The following TTC7A variants were observed in gnomAD, a reference collection of about 807,000 sequenced individuals.
TTC7A encodes tetratricopeptide repeat protein 7A.
A neutral mutation model predicts 103.7 loss-of-function variants in TTC7A; 110 were observed. The ratio of observed to expected loss-of-function variants is 1.06; its 90% CI spans 0.91 to 1.24. TTC7A has a LOEUF of 1.24. Among genes scored for constraint, TTC7A ranks in the 50% most tolerant of loss-of-function variants. TTC7A has a pLI of 0.00. For synonymous variants in TTC7A, 521 were observed against 467.9 expected (o/e 1.11, Z -1.47); for missense variants, 1,340 against 1,116.3 (o/e 1.20, Z -2.86).
intron 19 of TTC7A, among the ~76,000 whole-genome samples, chr2:47,071,487 G>C (rs532468193): frequency 6.6e-6 from 1 of 152,194 alleles, no homozygotes; most frequent in Non-Finnish European, 1.5e-5. Flanking sequence ...GTCTGCCCCC[G>C]CGGTGATTTT....
rs995829577 is a variant in TTC7A at position 47,007,286 on chromosome 2, G to T, written c.1287+562G>T. Among the ~76,000 whole-genome samples the T allele has an allele frequency of 6.6e-6, 1 of 152,062 alleles. No homozygotes were observed. The highest frequency in any genetic ancestry group is 1.9e-4 in the East Asian group (1 of 5,172). ...CGCTGCCCGGAGCAAGGAGCACCGG[G>T]CATGAGTTCACTCTCTATCCACCCA... On this transcript the variant is annotated intron_variant, in intron 10 of 19. Transcript: ENST00000319190. The surrounding 1 kb of genome is among the most constrained non-coding windows in gnomAD (Gnocchi z 4.9).
In TTC7A at chr2:47,006,649, G is replaced by A; in HGVS notation, c.1212G>A (p.Glu404=). The change falls in exon 10 of 20, where the codon GAG becomes GAA. Residue 404 remains glutamate, a synonymous_variant. Transcript: ENST00000319190. The part of the protein sequence containing the change: ...GQYVMLSECL[E]RAMKFAFGEF... The stretch of plus-strand genomic sequence containing the variant: ...CTATCTCCCCTCCCCAGTGCCTGGA[G>A]CGAGCCATGAAGTTTGCGTTTGGAG... 6.2e-7 allele frequency: 1 copy of A among 1,614,112 alleles called. No homozygotes were observed. Among genetic ancestry groups the A allele is most frequent in the Non-Finnish European group, 8.5e-7 (1 of 1,179,952 alleles).
intron 1 of TTC7A, among the ~76,000 whole-genome samples, chr2:46,942,703 A>G (rs973838899): frequency 1.3e-5 from 2 of 152,196 alleles, no homozygotes; most frequent in African/African-American, 2.4e-5. Context: ...CAGCTAGCCA[A>G]TAAGTTGTGG....
At chr2:46,924,629 T>TC (rs1669288113) in intron 2 of TTC7A, among the ~76,000 whole-genome samples, 1 of 152,060 alleles carries the variant, frequency 6.6e-6, no homozygotes, top group Non-Finnish European at 1.5e-5. Context: ...ATATTTTCTT[T>TC]TTTTTTTTTC....
chr2:47,011,422 G>T lies in TTC7A; in HGVS notation c.1379G>T (p.Gly460Val), dbSNP rs762217184. The T allele has an allele frequency of 6.2e-7, 1 of 1,607,178 alleles. No homozygotes were observed. The highest frequency in any genetic ancestry group is 1.1e-5 in the South Asian group (1 of 90,862). Residue 460 changes from glycine to valine, a missense_variant, in exon 11 of 20, where the codon GGG (glycine) becomes GTG (valine). Physicochemically the swap from Gly to Val is moderately radical, Grantham distance 109. Coordinates refer to ENST00000319190, the MANE Select transcript of TTC7A (RefSeq NM_020458.4). Reference protein sequence around the residue: ...VPLMAAKVCIGSLRWLEEAEH... With the variant: ...VPLMAAKVCIVSLRWLEEAEH... ...CTGATGGCCGCGAAGGTCTGCATCG[G>T]GTCCCTTCGCTGGGTGAGTGAGCTG...
intron 3 of TTC7A, among the ~76,000 whole-genome samples, chr2:46,972,197 TA>T (rs758796527): frequency 3.7e-4 from 55 of 147,502 alleles, no homozygotes; most frequent in South Asian, 4.3e-4. Flanking sequence ...TTTCCTGTCT[TA>T]AAAAAAAAAA....
exon 2 of TTC7A, chr2:46,917,256 C>T: frequency 2.9e-6 from 2 of 699,226 alleles, no homozygotes; most frequent in Middle Eastern, 2.3e-4. Context: ...CCTCCGCCTC[C>T]CAAAGTGCTG....
rs6729569 is a variant in TTC7A, at chr2:46,941,960, A to C, written c.184+235A>C. On this transcript the variant is annotated intron_variant, in intron 1 of 19. Transcript: ENST00000319190. The surrounding 1 kb of genome is among the most constrained non-coding windows in gnomAD (Gnocchi z 4.2). ...GCTTTTGCTCTGTGTCCTTTAGGAT[A>C]ATGTGGCTAACTCTGTCTACCGTGA... 28,103 of 596,624 alleles carry C rather than the reference A, an allele frequency of 0.047. 837 individuals carry two copies. Among genetic ancestry groups the C allele is most frequent in the African/African-American group, 0.092 (4,940 of 53,530 alleles). 37.0% of individuals were successfully genotyped at this position (596,624 alleles called of 1,614,324 possible). A position where few individuals can be genotyped will look rare whatever the true frequency, so the allele number is the denominator to read the frequency against.
chr2:47,042,702 G>GTGTGTATATA (rs111460716), intron 15 of TTC7A, among the ~76,000 whole-genome samples: 26 of 142,718 alleles, frequency 1.8e-4, no homozygotes, highest in Non-Finnish European at 2.8e-4. Context: ...GTGTGTGTGT[G>GTGTGTATATA]TATATATATG....
In TTC7A at chr2:47,074,162, T is replaced by G. The variant is rs951458302; in HGVS notation, c.*239T>G. On this transcript the variant is annotated 3_prime_UTR_variant, in exon 20 of 20. Transcript: ENST00000319190. ...AACCCTAAGTGCCTTTGGAGAGTTTTGTGGTGACCAGACTTGCTCCCCAAG... is the reference window on the plus strand; with the variant it reads ...AACCCTAAGTGCCTTTGGAGAGTTTGGTGGTGACCAGACTTGCTCCCCAAG... 21 of 557,404 alleles carry G rather than the reference T, an allele frequency of 3.8e-5. No individual in the cohort carries two copies. In the East Asian group the frequency reaches 6.5e-4, roughly 17 times the overall value. The allele number at this position is 557,404 out of a possible 1,614,324, so 34.5% of individuals were successfully genotyped here. A position where few individuals can be genotyped will look rare whatever the true frequency, so the allele number is the denominator to read the frequency against.
At chr2:46,987,027 G>A (rs1314224484) in intron 5 of TTC7A, among the ~76,000 whole-genome samples, 1 of 152,192 alleles carries the variant, frequency 6.6e-6, no homozygotes, top group East Asian at 1.9e-4. Flanking sequence ...CCCCCAGATG[G>A]CTCTTGCCCC....
At chr2:46,944,850 C>T (rs541182716) in intron 1 of TTC7A, among the ~76,000 whole-genome samples, 1 of 152,194 alleles carries the variant, frequency 6.6e-6, no homozygotes, top group East Asian at 1.9e-4. Flanking sequence ...AATAAGAACT[C>T]TTTTTGAAAA....
rs1685133850 is a variant in TTC7A, at chr2:47,075,319, A to G, written c.*1396A>G. 1 of 152,240 alleles carries G rather than the reference A, an allele frequency of 6.6e-6. No individual in the cohort carries two copies. The highest frequency in any genetic ancestry group is 6.5e-5 in the Admixed American group (1 of 15,292). 9.4% of individuals were successfully genotyped at this position (152,240 alleles called of 1,614,324 possible). A position where few individuals can be genotyped will look rare whatever the true frequency, so the allele number is the denominator to read the frequency against. On this transcript the variant is annotated 3_prime_UTR_variant, in exon 20 of 20. Coordinates refer to ENST00000319190, the MANE Select transcript of TTC7A (RefSeq NM_020458.4). ...TAAATATAGTTTTTTATCTATATATATAAAATAGAGATCTATTTTTTTTCT... is the reference window on the plus strand; with the variant it reads ...TAAATATAGTTTTTTATCTATATATGTAAAATAGAGATCTATTTTTTTTCT...
intron 3 of TTC7A, among the ~76,000 whole-genome samples, chr2:46,965,259 G>A (rs1558515988): frequency 6.6e-6 from 1 of 152,228 alleles, no homozygotes; most frequent in African/African-American, 2.4e-5. Flanking sequence ...AGAACACTAC[G>A]CTGCTTCCAG....
chr2:46,977,211 T>C (rs1469621991), intron 4 of TTC7A, among the ~76,000 whole-genome samples: 1 of 152,180 alleles, frequency 6.6e-6, no homozygotes, highest in Non-Finnish European at 1.5e-5. Flanking sequence ...CTGGTAGCAG[T>C]GGGCAGACAA....
At chr2:47,029,133 G>A in intron 14 of TTC7A, 91 bp from the exon 15 acceptor site, 11 of 1,479,386 alleles carry the variant, frequency 7.4e-6, no homozygotes, top group Non-Finnish European at 1.0e-5. Flanking sequence ...CTTGAGTTGA[G>A]TGTGAGTGCC....
chr2:46,928,459 TAA>T (rs35897582), intron 2 of TTC7A, among the ~76,000 whole-genome samples: 1,321 of 81,956 alleles, frequency 0.016, 28 homozygotes, highest in African/African-American at 0.048. Flanking sequence ...AAAGGGAAAT[TAA>T]AAAAAAAAAA....
chr2:47,032,859 CAAAA>C (rs10586448), intron 15 of TTC7A, among the ~76,000 whole-genome samples: 14,456 of 87,948 alleles, frequency 0.16, 734 homozygotes, highest in East Asian at 0.4. Context: ...TTGTTTTAAG[CAAAA>C]AAAAAAAAAA....
intron 15 of TTC7A, among the ~76,000 whole-genome samples, chr2:47,033,640 G>C (rs1012591624): frequency 3.9e-5 from 6 of 152,210 alleles, no homozygotes; most frequent in African/African-American, 1.4e-4. Context: ...CCCCTTGCCT[G>C]TTTGCTCATC....
Sources: allele counts gnomAD v4.1 joint callset (sites outside exome capture counted in the v4.1 genomes callset), GRCh38; gene constraint gnomAD v4.1.1; non-coding constraint Gnocchi (gnomAD v3.1); transcripts MANE v1.5; gene names NCBI Gene and HGNC (gene_info 2026-07-23, HGNC 2026-07-21).